The following PRKCG variants were observed in gnomAD, a reference collection of about 807,000 sequenced individuals.
PRKCG encodes the protein protein kinase C gamma type.
In PRKCG, 28 loss-of-function variants were observed where a neutral mutation model predicts 82.0. The observed-to-expected ratio is 0.34, with a 90% CI of 0.25 to 0.47. The LOEUF (loss-of-function observed/expected upper bound fraction) is 0.47, where lower values mean the gene tolerates loss of function less well. PRKCG is among the 20% of genes least tolerant of loss of function. The probability of loss-of-function intolerance (pLI) is 1.00; values close to 1 mark genes in which losing one functional copy is unlikely to be tolerated. For missense variants in PRKCG, 640 were observed against 952.7 expected (o/e 0.67, Z 4.32); for synonymous variants, 383 against 376.6 (o/e 1.02, Z -0.20).
At chr19:53,887,850 A>G (rs941054867) in intron 3 of PRKCG, among the ~76,000 whole-genome samples, 1 of 149,092 alleles carries the variant, frequency 6.7e-6, no homozygotes, top group African/African-American at 2.5e-5. Context: ...AAAAAAAAAA[A>G]GTAACATGGA....
Position 53,883,242 on chromosome 19 carries a change from C to G in PRKCG, c.202+48C>G. The G allele has an allele frequency of 1.9e-6, 3 of 1,610,892 alleles. No homozygotes were observed. The highest frequency in any genetic ancestry group is 2.5e-6 in the Non-Finnish European group (3 of 1,177,680). ...CCTGGGACCCTCAGGAGGGTGGAGG[C>G]TGGGGCCCCACAGCTGAGGCTGCTT... On this transcript the variant is annotated intron_variant, in intron 2 of 17. Coordinates refer to ENST00000263431, the MANE Select transcript of PRKCG (RefSeq NM_002739.5). The surrounding 1 kb of genome is among the most constrained non-coding windows in gnomAD (Gnocchi z 5.4).
Position 53,904,760 on chromosome 19 carries a change from C to T in PRKCG, c.1764+18C>T. The T allele has an allele frequency of 6.3e-7, 1 of 1,589,374 alleles. No individual in the cohort carries two copies. The highest frequency in any genetic ancestry group is 8.6e-7 in the Non-Finnish European group (1 of 1,161,234). ...GCAAGGGGGTGAGAGCCCCCTGACTCCCAGCTTCTCCAGGCTCACAACCAC... is the reference window on the plus strand; with the variant it reads ...GCAAGGGGGTGAGAGCCCCCTGACTTCCAGCTTCTCCAGGCTCACAACCAC... On this transcript the variant is annotated intron_variant, in intron 16 of 17. Transcript: ENST00000263431.
chr19:53,881,264 A>G (rs2068586958), upstream of PRKCG, among the ~76,000 whole-genome samples: 1 of 152,116 alleles, frequency 6.6e-6, no homozygotes, highest in East Asian at 1.9e-4. Context: ...AGAGAGACAG[A>G]GACAAAGGCA....
Position 53,900,192 on chromosome 19 carries a change from G to T in PRKCG, c.1282-41G>T. On this transcript the variant is annotated intron_variant, in intron 11 of 17. Transcript: ENST00000263431. This position sits in a 1 kb window ranked among gnomAD's most constrained non-coding sequence, Gnocchi z 4.2. The stretch of plus-strand genomic sequence containing the variant: ...CAGGAAAGAAATTCTCCTACTCTGG[G>T]TAGATGGATCCCGCCTCTAAGCCCA... The T allele has an allele frequency of 6.4e-7, 1 of 1,563,428 alleles. No individual in the cohort carries two copies. Among genetic ancestry groups the T allele is most frequent in the South Asian group, 1.1e-5 (1 of 90,068 alleles).
At chr19:53,902,937 T>G in intron 14 of PRKCG, 136 bp from the exon 15 acceptor site, 1 of 547,838 alleles carries the variant, frequency 1.8e-6, no homozygotes, top group Admixed American at 2.7e-5. Context: ...AATCACCTGA[T>G]GAAATAAATA....
At chr19:53,881,616 C>T (rs2068590291), upstream of PRKCG, among the ~76,000 whole-genome samples, 1 of 150,494 alleles carries the variant, frequency 6.6e-6, no homozygotes, top group South Asian at 2.1e-4. Context: ...AGACACACAG[C>T]AGAGGAAATA....
Position 53,897,110 on chromosome 19 carries a change from GAGA to G in PRKCG, c.940-844_940-842del, listed in dbSNP as rs961832793. ...TGGCTGGACCATGGAGCCTGGGAGA[GAGA>G]AGAACAACCTGCAGTGTCAGTCTCA... On this transcript the variant is annotated intron_variant, in intron 9 of 17. Coordinates refer to ENST00000263431, the MANE Select transcript of PRKCG (RefSeq NM_002739.5). Among the ~76,000 whole-genome samples, 6 of 152,292 alleles carry G rather than the reference GAGA, an allele frequency of 3.9e-5. No homozygotes were observed. The South Asian group carries it at 8.3e-4, about 21-fold the overall frequency.
In PRKCG at chr19:53,882,371, C is replaced by T. The variant is rs779124246; in HGVS notation, c.-124C>T. 4 of 1,433,070 alleles carry T rather than the reference C, an allele frequency of 2.8e-6. No individual in the cohort carries two copies. The highest frequency in any genetic ancestry group is 2.2e-5 in the Admixed American group (1 of 45,764). The allele number at this position is 1,433,070 out of a possible 1,614,324, so 88.8% of individuals were successfully genotyped here. ...CTCCGCACCTGGAGGTGCCTTGCCC[C>T]TCTCCTGCCCACCTCGGAATTTCCC... On this transcript the variant is annotated 5_prime_UTR_variant, in exon 1 of 18. Coordinates refer to ENST00000263431, the MANE Select transcript of PRKCG (RefSeq NM_002739.5). The surrounding 1 kb of genome is among the most constrained non-coding windows in gnomAD (Gnocchi z 6.1).
intron 3 of PRKCG, among the ~76,000 whole-genome samples, chr19:53,886,932 T>C (rs1599941009): frequency 6.6e-6 from 1 of 152,354 alleles, no homozygotes; most frequent in Admixed American, 6.5e-5. Context: ...AGTCAGACAT[T>C]TGGGATGGTT....
At position 53,889,649 on chromosome 19, in the gene PRKCG, C is replaced by T. The variant is rs115666590; in HGVS notation, c.297C>T (p.Asn99=). ...GKGPQTDDPR[N]KHKFRLHSYS... Reference sequence around the variant, plus strand: ...TTCTCTGCCCCCAGGACCCCCGGAACAAACACAAGTTCCGCCTGCATAGCT... The same window carrying T: ...TTCTCTGCCCCCAGGACCCCCGGAATAAACACAAGTTCCGCCTGCATAGCT... The change falls in exon 4 of 18, where the codon AAC becomes AAT. Residue 99 remains asparagine (N), a synonymous_variant. Transcript: ENST00000263431. This position sits in a 1 kb window ranked among gnomAD's most constrained non-coding sequence, Gnocchi z 4.4. 3 of 1,614,144 alleles carry T rather than the reference C, an allele frequency of 1.9e-6. No individual in the cohort carries two copies. Among genetic ancestry groups the T allele is most frequent in the East Asian group, 2.2e-5 (1 of 44,840 alleles).
Position 53,893,362 on chromosome 19 carries a change from G to T in PRKCG, c.910G>T (p.Ala304Ser), listed in dbSNP as rs1259011347. 2 of 1,613,550 alleles carry T rather than the reference G, an allele frequency of 1.2e-6. No homozygotes were observed. The highest frequency in any genetic ancestry group is 1.1e-5 in the South Asian group (1 of 91,076). Residue 304 changes from alanine to serine, a missense_variant and splice_region_variant, in exon 9 of 18, where the codon GCT becomes TCT. Physicochemically the swap from Ala to Ser is moderately conservative, Grantham distance 99. This residue lies in a region of PRKCG where 261 missense variants were observed against 312.1 expected (regional missense o/e 0.84). Transcript: ENST00000263431. ...DNCSLLQKFEACNYPLELYER... is the reference protein window; with the variant it reads ...DNCSLLQKFESCNYPLELYER... ...TGACTCTCTCTTTCTTTTCTCCCAG[G>T]CTTGTAACTACCCCCTGGAATTGTA... is the stretch of plus-strand genomic sequence containing the variant.
At chr19:53,897,852 A>T in intron 9 of PRKCG, 107 bp from the exon 10 acceptor site, 1 of 1,518,780 alleles carries the variant, frequency 6.6e-7, no homozygotes, top group Non-Finnish European at 9.1e-7. Context: ...TCCTCTGTCT[A>T]GCGATTCTCA....
chr19:53,898,411 G>T (rs953287307), intron 10 of PRKCG, 29 bp from the exon 11 acceptor site: 2 of 1,613,650 alleles, frequency 1.2e-6, no homozygotes, highest in Non-Finnish European at 1.7e-6. Flanking sequence ...TCCCAACATG[G>T]ACTGGCCCTT....
chr19:53,900,491 C>T lies in PRKCG; in HGVS notation c.1436+10C>T, dbSNP rs555878260. On this transcript the variant is annotated intron_variant, in intron 13 of 17. Transcript: ENST00000263431. This position sits in a 1 kb window ranked among gnomAD's most constrained non-coding sequence, Gnocchi z 4.2. ...AGGGCATCATCTACAGGTGAGCAGC[C>T]CCAGGAATTTCCGTGGAGGAAATCA... is the stretch of plus-strand genomic sequence containing the variant. The T allele has an allele frequency of 7.4e-6, 12 of 1,614,134 alleles. No individual in the cohort carries two copies. In the Admixed American group the frequency reaches 1.7e-4, roughly 22 times the overall value.
chr19:53,893,153 G>T (rs1053309146), intron 8 of PRKCG, 78 bp downstream of exon 8: 3 of 1,405,714 alleles, frequency 2.1e-6, no homozygotes, highest in Non-Finnish European at 3.0e-6. Flanking sequence ...TTCCACCCCT[G>T]AGTGCCCGCT....
chr19:53,892,581 C>T lies in PRKCG; in HGVS notation c.759C>T (p.Asn253=), dbSNP rs751772455. 27 of 1,613,598 alleles carry T rather than the reference C, an allele frequency of 1.7e-5. No homozygotes were observed. The highest frequency in any genetic ancestry group is 2.7e-5 in the African/African-American group (2 of 74,924). Residue 253 remains asparagine, a synonymous_variant, in exon 7 of 18, where the codon AAC becomes AAT. Transcript: ENST00000263431. This position sits in a 1 kb window ranked among gnomAD's most constrained non-coding sequence, Gnocchi z 5.9. Reference sequence around the variant, plus strand: ...GGGACTGGGACCGGACCTCCCGCAACGACTTCATGGGGGCCATGTCCTTTG... The same window carrying T: ...GGGACTGGGACCGGACCTCCCGCAATGACTTCATGGGGGCCATGTCCTTTG... ...EVWDWDRTSR[N]DFMGAMSFGV...
intron 14 of PRKCG, among the ~76,000 whole-genome samples, chr19:53,901,863 A>AG (rs915852506): frequency 2.0e-5 from 3 of 150,466 alleles, no homozygotes; most frequent in African/African-American, 7.4e-5. Context: ...AAAAAAAAAA[A>AG]AAAGAAAAAG....
chr19:53,892,504 T>C lies in PRKCG; in HGVS notation c.687-5T>C, dbSNP rs757549556. ...CTGCACCCCATCCACCCCACCTTCC[T>C]GCAGCAACCTGAAGCCAGGGGATGT... On this transcript the variant is annotated splice_polypyrimidine_tract_variant and splice_region_variant and intron_variant, in intron 6 of 17. Coordinates refer to ENST00000263431, the MANE Select transcript of PRKCG (RefSeq NM_002739.5). This position sits in a 1 kb window ranked among gnomAD's most constrained non-coding sequence, Gnocchi z 5.9. 5 of 1,610,644 alleles carry C rather than the reference T, an allele frequency of 3.1e-6. No homozygotes were observed. Among genetic ancestry groups the C allele is most frequent in the Non-Finnish European group, 4.2e-6 (5 of 1,179,282 alleles).
rs765595350 is a variant in PRKCG, at chr19:53,889,763, G to C, written c.397+14G>C. On this transcript the variant is annotated intron_variant, in intron 4 of 17. Transcript: ENST00000263431. This position sits in a 1 kb window ranked among gnomAD's most constrained non-coding sequence, Gnocchi z 4.4. ...TGAAATGCTCCTGTGAGTGACCTGG[G>C]CCTTGCCAGGGCCCTTCCAAAGCGC... 1 of 1,611,972 alleles carries C rather than the reference G, an allele frequency of 6.2e-7. No individual in the cohort carries two copies. The highest frequency in any genetic ancestry group is 1.7e-5 in the Admixed American group (1 of 59,812).
Sources: gnomAD v4.1 joint callset for allele counts (sites outside exome capture counted in the v4.1 genomes callset) on GRCh38, gnomAD v4.1.1 for gene constraint, gnomAD v4.1.1 regional missense constraint, Gnocchi (gnomAD v3.1) non-coding constraint, MANE v1.5 for transcripts, NCBI Gene and HGNC (gene_info 2026-07-23, HGNC 2026-07-21) for gene names.